ASXL3: variants seen among roughly 807,000 people sequenced by gnomAD.
ASXL3 encodes the protein ASXL transcriptional regulator 3.
A neutral mutation model predicts 170.6 loss-of-function variants in ASXL3; 34 were observed. The ratio of observed to expected loss-of-function variants is 0.20; its 90% CI spans 0.15 to 0.27. The LOEUF (loss-of-function observed/expected upper bound fraction) is 0.27, where lower values mean the gene tolerates loss of function less well. Ranked by LOEUF, ASXL3 falls within the 10% of genes least tolerant of loss-of-function variation. The pLI, the probability that ASXL3 is intolerant of heterozygous loss-of-function variation, is 1.00. For synonymous variants in ASXL3, 1,002 were observed against 989.1 expected (o/e 1.01, Z -0.24); for missense variants, 2,592 against 2,695.3 (o/e 0.96, Z 0.85).
chr18:33,658,921 C>T (rs192808180), intron 4 of ASXL3, among the ~76,000 whole-genome samples: 117 of 152,138 alleles, frequency 7.7e-4, no homozygotes, highest in Non-Finnish European at 3.4e-4. Flanking sequence ...CTCTGAAATT[C>T]TGGGCTCTAA....
Position 33,593,972 on chromosome 18 carries a change from C to T in ASXL3, c.55-13622C>T, listed in dbSNP as rs113742841. Among the ~76,000 whole-genome samples the T allele has an allele frequency of 3.9e-5, 6 of 152,292 alleles. 1 individual carries two copies. Among genetic ancestry groups the T allele is most frequent in the African/African-American group, 1.4e-4 (6 of 41,552 alleles). Reference sequence around the variant, plus strand: ...ATATCCCCTATTACTGGAACACCTACAGATTATCCAGATGTTTGTATTATT... The same window carrying T: ...ATATCCCCTATTACTGGAACACCTATAGATTATCCAGATGTTTGTATTATT... On this transcript the variant is annotated intron_variant, in intron 1 of 11. Coordinates refer to ENST00000269197, the MANE Select transcript of ASXL3 (RefSeq NM_030632.3).
At chr18:33,614,888 A>G (rs894541559) in intron 2 of ASXL3, 3 of 152,074 alleles carry the variant, frequency 2.0e-5, no homozygotes, top group Non-Finnish European at 4.4e-5. Flanking sequence ...CCATGTTGCA[A>G]ACAGATGTGG....
chr18:33,605,669 C>A (rs1374409348), intron 1 of ASXL3: 1 of 152,068 alleles, frequency 6.6e-6, no homozygotes, highest in Non-Finnish European at 1.5e-5. Flanking sequence ...GTGAGTAACC[C>A]CAATTTCCAG....
At chr18:33,622,526 C>A (rs1160665495) in intron 2 of ASXL3, among the ~76,000 whole-genome samples, 1 of 152,002 alleles carries the variant, frequency 6.6e-6, no homozygotes, top group East Asian at 1.9e-4. Context: ...TCATGGAGTC[C>A]CAAAATTTAA....
intron 8 of ASXL3, among the ~76,000 whole-genome samples, chr18:33,715,711 G>A (rs1225179337): frequency 6.6e-6 from 1 of 152,102 alleles, no homozygotes; most frequent in Non-Finnish European, 1.5e-5. Context: ...GAAAACCTGA[G>A]GGTATTAAAA....
intron 4 of ASXL3, among the ~76,000 whole-genome samples, chr18:33,653,522 C>T (rs555383087): frequency 2.6e-5 from 4 of 152,180 alleles, no homozygotes; most frequent in South Asian, 2.1e-4. Context: ...CAGAGGAAAG[C>T]GAATACTCTT....
chr18:33,618,687 T>C (rs1315254343), intron 2 of ASXL3, among the ~76,000 whole-genome samples: 2 of 152,156 alleles, frequency 1.3e-5, no homozygotes. Context: ...ATTTCTGCCT[T>C]TGAGTATTTC....
In ASXL3 at chr18:33,613,678, G is replaced by A. The variant is rs147591015; in HGVS notation, c.137+6002G>A. Reference sequence around the variant, plus strand: ...TCATGCCTATAATCCCAACACTTTGGGAGGCCAAGGAAAGAGGATTACTTG... The same window carrying A: ...TCATGCCTATAATCCCAACACTTTGAGAGGCCAAGGAAAGAGGATTACTTG... On this transcript the variant is annotated intron_variant, in intron 2 of 11. Coordinates refer to ENST00000269197, the MANE Select transcript of ASXL3 (RefSeq NM_030632.3). 7.2e-5 allele frequency among the ~76,000 whole-genome samples: 11 copies of A among 152,186 alleles called. No homozygotes were observed. The East Asian group carries it at 1.7e-3, about 24-fold the overall frequency.
chr18:33,744,572 C>G lies in ASXL3; in HGVS notation c.4724C>G (p.Pro1575Arg), dbSNP rs930867926. The change falls in exon 12 of 12, where the codon CCC becomes CGC. Residue 1575 changes from proline to arginine, a missense_variant. Physicochemically the swap from Pro to Arg is moderately radical, Grantham distance 103. This residue lies in a region of ASXL3 where 2,246 missense variants were observed against 2,219.6 expected (regional missense o/e 1.01). Coordinates refer to ENST00000269197, the MANE Select transcript of ASXL3 (RefSeq NM_030632.3). ...GATAAATTAAATGAGCCGACTGCTCCCAGTCATAACTTTGCTGAGCAGGCA... is the reference window on the plus strand; with the variant it reads ...GATAAATTAAATGAGCCGACTGCTCGCAGTCATAACTTTGCTGAGCAGGCA... The part of the protein sequence containing the change: ...VPDKLNEPTA[P>R]SHNFAEQARG... 3 of 1,611,354 alleles carry G rather than the reference C, an allele frequency of 1.9e-6. No individual in the cohort carries two copies. Among genetic ancestry groups the G allele is most frequent in the Non-Finnish European group, 1.7e-6 (2 of 1,178,990 alleles).
intron 1 of ASXL3, among the ~76,000 whole-genome samples, chr18:33,596,265 A>G (rs184449188): frequency 6.2e-4 from 95 of 152,318 alleles, no homozygotes; most frequent in African/African-American, 2.2e-3. Flanking sequence ...AGTAAATTAA[A>G]TGCTTGCCAC....
intron 2 of ASXL3, among the ~76,000 whole-genome samples, chr18:33,639,369 C>T (rs563319440): frequency 8.5e-5 from 13 of 152,204 alleles, no homozygotes; most frequent in Non-Finnish European, 1.6e-4. Context: ...CCACAGTCTT[C>T]CTCGTTGTTC....
At chr18:33,738,458 G>A (rs776101520) in intron 10 of ASXL3, 29 bp from the exon 11 acceptor site, 30 of 1,557,672 alleles carry the variant, frequency 1.9e-5, no homozygotes, top group Non-Finnish European at 2.5e-5. Flanking sequence ...TTGTGGTTGA[G>A]CAATAATTTA....
chr18:33,629,972 C>T (rs1053102797), intron 2 of ASXL3, among the ~76,000 whole-genome samples: 1 of 151,806 alleles, frequency 6.6e-6, no homozygotes, highest in Non-Finnish European at 1.5e-5. Flanking sequence ...TTTTAATGTA[C>T]GGAAGAAGAG....
intron 8 of ASXL3, among the ~76,000 whole-genome samples, chr18:33,688,089 A>G (rs1005223997): frequency 1.3e-5 from 2 of 152,186 alleles, no homozygotes; most frequent in African/African-American, 4.8e-5. Context: ...TTCATGCAAA[A>G]GACCTAAGAT....
intron 1 of ASXL3, among the ~76,000 whole-genome samples, chr18:33,600,574 T>A (rs1203230561): frequency 6.6e-6 from 1 of 152,170 alleles, no homozygotes; most frequent in Non-Finnish European, 1.5e-5. Flanking sequence ...TTTTCTTACT[T>A]TTTAGAACAT....
chr18:33,673,206 C>T (rs1198185747), intron 7 of ASXL3, among the ~76,000 whole-genome samples: 1 of 152,106 alleles, frequency 6.6e-6, no homozygotes, highest in Non-Finnish European at 1.5e-5. Flanking sequence ...CATCTGCGGC[C>T]TTTAGTTAAA....
At chr18:33,705,025 T>C (rs2066934639) in intron 8 of ASXL3, among the ~76,000 whole-genome samples, 1 of 151,810 alleles carries the variant, frequency 6.6e-6, no homozygotes, top group Admixed American at 6.6e-5. Flanking sequence ...CCAAGAAAAA[T>C]TGGTTAAACA....
At chr18:33,685,188 A>G (rs952013539) in intron 8 of ASXL3, among the ~76,000 whole-genome samples, 3 of 152,192 alleles carry the variant, frequency 2.0e-5, no homozygotes, top group African/African-American at 7.2e-5. Flanking sequence ...ATGAAAGTAG[A>G]AAGAATAGTT....
At chr18:33,582,422 T>G (rs1160473805) in intron 1 of ASXL3, among the ~76,000 whole-genome samples, 1 of 152,218 alleles carries the variant, frequency 6.6e-6, no homozygotes, top group East Asian at 1.9e-4. Flanking sequence ...GTTAATTCTT[T>G]TTTTGACATG....
Sources: gnomAD v4.1 joint callset for allele counts (sites outside exome capture counted in the v4.1 genomes callset) on GRCh38, gnomAD v4.1.1 for gene constraint, gnomAD v4.1.1 regional missense constraint, MANE v1.5 for transcripts, NCBI Gene and HGNC (gene_info 2026-07-23, HGNC 2026-07-21) for gene names.